Variants in PTPRG observed in about 807,000 individuals in gnomAD.
The protein encoded by PTPRG is receptor-type tyrosine-protein phosphatase gamma.
In PTPRG, 102 loss-of-function variants were observed where a neutral mutation model predicts 165.3. The ratio of observed to expected loss-of-function variants is 0.62; its 90% CI spans 0.53 to 0.73. PTPRG has a LOEUF of 0.73. PTPRG is among the 30% of genes least tolerant of loss of function. PTPRG has a pLI of 0.00. For missense variants in PTPRG, 1,866 were observed against 1,861.4 expected (o/e 1.00, Z -0.05); for synonymous variants, 675 against 669.5 (o/e 1.01, Z -0.13).
chr3:61,658,238 A>T (rs1221312498), intron 1 of PTPRG, among the ~76,000 whole-genome samples: 1 of 152,186 alleles, frequency 6.6e-6, no homozygotes, highest in Admixed American at 6.5e-5. Flanking sequence ...GCAAGCAGGC[A>T]CCCGGTGCCT....
chr3:61,822,172 A>T (rs918445986), intron 2 of PTPRG, among the ~76,000 whole-genome samples: 2 of 152,248 alleles, frequency 1.3e-5, no homozygotes, highest in African/African-American at 4.8e-5. Flanking sequence ...CTATGGCAAC[A>T]TTCTTGCCTA....
At chr3:62,031,852 C>T (rs997366665) in intron 4 of PTPRG, among the ~76,000 whole-genome samples, 1 of 152,134 alleles carries the variant, frequency 6.6e-6, no homozygotes, top group Non-Finnish European at 1.5e-5. Flanking sequence ...GGCAGTGCTC[C>T]ATTGAGACAG....
At chr3:62,280,566 A>G (rs1245728566) in intron 26 of PTPRG, among the ~76,000 whole-genome samples, 1 of 151,978 alleles carries the variant, frequency 6.6e-6, no homozygotes, top group African/African-American at 2.4e-5. Flanking sequence ...AAAGATACCA[A>G]ATGTTGGTGA....
intron 5 of PTPRG, among the ~76,000 whole-genome samples, chr3:62,081,977 G>C (rs766184968): frequency 7.9e-5 from 12 of 152,118 alleles, no homozygotes; most frequent in Non-Finnish European, 1.5e-4. Context: ...CTGTGCACTA[G>C]AACCTCACTG....
rs923813098 is a variant in PTPRG, at chr3:62,010,830, C to T, written c.519+7333C>T. On this transcript the variant is annotated intron_variant, in intron 4 of 29. Coordinates refer to ENST00000474889, the MANE Select transcript of PTPRG (RefSeq NM_002841.4). ...ATTTCCAGTATAACAGTTTTTCCCC[C>T]GTGTTGTGTACTTTATGTCAGTTCC... Among the ~76,000 whole-genome samples, 4 of 152,102 alleles carry T rather than the reference C, an allele frequency of 2.6e-5. No individual in the cohort carries two copies. In the East Asian group the frequency reaches 5.8e-4, roughly 22 times the overall value.
At chr3:61,640,978 G>A (rs115838662) in intron 1 of PTPRG, among the ~76,000 whole-genome samples, 2,519 of 152,254 alleles carry the variant, frequency 0.017, 54 homozygotes, top group African/African-American at 0.056. Context: ...GGAACTTGGT[G>A]TGGAGATAGG....
chr3:62,029,474 ATAT>A lies in PTPRG; in HGVS notation c.519+25982_519+25984del, dbSNP rs1223522065. Among the ~76,000 whole-genome samples the A allele has an allele frequency of 8.2e-4, 125 of 152,228 alleles. 2 individuals are homozygous for A. The highest frequency in any genetic ancestry group is 1.5e-4 in the Non-Finnish European group (10 of 68,048). On this transcript the variant is annotated intron_variant, in intron 4 of 29. Coordinates refer to ENST00000474889, the MANE Select transcript of PTPRG (RefSeq NM_002841.4). ...ACCCTTAAAAACGCTAAAACACTAGATATTATTTATGAAGAAGTCAAAATATCA... is the reference window on the plus strand; with the variant it reads ...ACCCTTAAAAACGCTAAAACACTAGATATTTATGAAGAAGTCAAAATATCA...
In PTPRG at chr3:62,114,316, C is replaced by CA. The variant is rs202110573; in HGVS notation, c.616-18276dup. The stretch of plus-strand genomic sequence containing the variant: ...TTTGTCTCAAACAAAAACAAACAAA[C>CA]AAAAAAAAAACGTAGATTTCCTAGG... On this transcript the variant is annotated intron_variant, in intron 5 of 29. Transcript: ENST00000474889. Among the ~76,000 whole-genome samples the CA allele has an allele frequency of 9.9e-3, 1,444 of 145,862 alleles. 20 individuals are homozygous for CA. The highest frequency in any genetic ancestry group is 0.032 in the African/African-American group (1,257 of 39,806).
chr3:62,110,820 T>C (rs1207584341), intron 5 of PTPRG, among the ~76,000 whole-genome samples: 2 of 152,210 alleles, frequency 1.3e-5, no homozygotes, highest in Non-Finnish European at 2.9e-5. Context: ...GCGAGGGCTG[T>C]AAGTTGGTAG....
At chr3:61,632,517 G>A (rs1206531612) in intron 1 of PTPRG, among the ~76,000 whole-genome samples, 5 of 152,168 alleles carry the variant, frequency 3.3e-5, no homozygotes, top group Admixed American at 3.3e-4. Context: ...TTTGCTATAT[G>A]TTCAGCAGCC....
At chr3:62,134,799 G>A (rs745366656) in intron 6 of PTPRG, among the ~76,000 whole-genome samples, 6 of 152,310 alleles carry the variant, frequency 3.9e-5, no homozygotes, top group Admixed American at 6.5e-5. Flanking sequence ...TTAGTCAAAT[G>A]ACTGAATCAA....
rs1016322853 is a variant in PTPRG, at chr3:62,019,014, C to G, written c.519+15517C>G. Among the ~76,000 whole-genome samples, 10 of 152,250 alleles carry G rather than the reference C, an allele frequency of 6.6e-5. No homozygotes were observed. In the South Asian group the frequency reaches 2.1e-3, roughly 32 times the overall value. On this transcript the variant is annotated intron_variant, in intron 4 of 29. Coordinates refer to ENST00000474889, the MANE Select transcript of PTPRG (RefSeq NM_002841.4). ...GGAATCAACTTGGTCTTTGGGGTCCCAGAATGAAACCAGGACCTGCAGAAG... is the reference window on the plus strand; with the variant it reads ...GGAATCAACTTGGTCTTTGGGGTCCGAGAATGAAACCAGGACCTGCAGAAG...
intron 4 of PTPRG, among the ~76,000 whole-genome samples, chr3:62,038,163 G>C (rs1286574389): frequency 3.3e-5 from 5 of 152,084 alleles, no homozygotes; most frequent in African/African-American, 1.2e-4. Flanking sequence ...TTTGGTCTAG[G>C]GTTTTGGAAA....
intron 6 of PTPRG, among the ~76,000 whole-genome samples, chr3:62,139,931 C>A (rs1703859945): frequency 1.3e-5 from 2 of 152,346 alleles, no homozygotes; most frequent in Middle Eastern, 3.4e-3. Flanking sequence ...CCAAGCATTT[C>A]CAGAGAGTGG....
chr3:61,992,818 G>T (rs1448669324), intron 3 of PTPRG, among the ~76,000 whole-genome samples: 1 of 151,480 alleles, frequency 6.6e-6, no homozygotes, highest in Admixed American at 6.6e-5. Context: ...CACCGTGCCC[G>T]GCCATGCCCG....
chr3:62,072,096 G>C (rs1042569795), intron 4 of PTPRG, among the ~76,000 whole-genome samples: 6 of 152,176 alleles, frequency 3.9e-5, no homozygotes, highest in Non-Finnish European at 5.9e-5. Flanking sequence ...TAAGGGAGAA[G>C]TTGCACAAGG....
At chr3:62,056,162 A>G (rs1700627795) in intron 4 of PTPRG, among the ~76,000 whole-genome samples, 1 of 152,216 alleles carries the variant, frequency 6.6e-6, no homozygotes, top group Non-Finnish European at 1.5e-5. Flanking sequence ...CAGGATATGA[A>G]CATCCCATCC....
rs1702991979 is a variant in PTPRG at position 62,294,243 on chromosome 3, C to T, written c.*936C>T. ...CAGGTGTGTAATTTTGAAACTAGTC[C>T]TCTAAAAATTCCCTATTACTCCTAT... On this transcript the variant is annotated 3_prime_UTR_variant, in exon 30 of 30. Coordinates refer to ENST00000474889, the MANE Select transcript of PTPRG (RefSeq NM_002841.4). 6.6e-6 allele frequency: 1 copy of T among 152,016 alleles called. No individual in the cohort carries two copies. 9.4% of individuals were successfully genotyped at this position (152,016 alleles called of 1,614,324 possible).
chr3:61,881,005 C>T (rs552379710), intron 2 of PTPRG, among the ~76,000 whole-genome samples: 6 of 150,524 alleles, frequency 4.0e-5, no homozygotes, highest in African/African-American at 1.5e-4. Flanking sequence ...CTTCATTCCA[C>T]TCATTTGTTA....
Sources: gnomAD v4.1 joint callset for allele counts (sites outside exome capture counted in the v4.1 genomes callset) on GRCh38, gnomAD v4.1.1 for gene constraint, MANE v1.5 for transcripts, NCBI Gene and HGNC (gene_info 2026-07-23, HGNC 2026-07-21) for gene names.